The following SNAP29 variants were observed in gnomAD, a reference collection of about 807,000 sequenced individuals.
SNAP29 encodes the protein synaptosomal-associated protein 29.
Under a neutral mutation model 27.9 loss-of-function variants are expected in SNAP29, and 13 were observed. The observed-to-expected ratio is 0.47, with a 90% CI of 0.30 to 0.74. The LOEUF (loss-of-function observed/expected upper bound fraction) is 0.74, where lower values mean the gene tolerates loss of function less well. Among genes scored for constraint, SNAP29 ranks in the 30% least tolerant of loss-of-function variants. SNAP29 has a pLI of 0.06. For synonymous variants in SNAP29, 119 were observed against 127.1 expected (o/e 0.94, Z 0.43); for missense variants, 368 against 336.5 (o/e 1.09, Z -0.73).
intron 1 of SNAP29, among the ~76,000 whole-genome samples, chr22:20,861,605 T>C (rs1410216977): frequency 1.3e-5 from 2 of 152,036 alleles, no homozygotes; most frequent in Non-Finnish European, 2.9e-5. Context: ...ACCTGGCTAA[T>C]TTTTTTGTTT....
rs1929064650 is a variant in SNAP29, at chr22:20,888,135, G to T, written c.*299G>T. 2 of 396,632 alleles carry T rather than the reference G, an allele frequency of 5.0e-6. No individual in the cohort carries two copies. The highest frequency in any genetic ancestry group is 2.1e-5 in the African/African-American group (1 of 48,524). 24.6% of individuals were successfully genotyped at this position (396,632 alleles called of 1,614,324 possible). On this transcript the variant is annotated 3_prime_UTR_variant, in exon 5 of 5. Coordinates refer to ENST00000215730, the MANE Select transcript of SNAP29 (RefSeq NM_004782.4). ...TTACCATGCTGGAATAAGAAGAGTTGCATTTCTCATTTTAATGAGCATATG... is the reference window on the plus strand; with the variant it reads ...TTACCATGCTGGAATAAGAAGAGTTTCATTTCTCATTTTAATGAGCATATG...
chr22:20,859,561 C>T (rs2048025555), intron 1 of SNAP29: 7 of 592,108 alleles, frequency 1.2e-5, no homozygotes, highest in Non-Finnish European at 1.8e-5. Flanking sequence ...AGAAATCTTC[C>T]TTAGCTATTA....
chr22:20,875,795 CAT>C (rs1396090353), intron 2 of SNAP29, among the ~76,000 whole-genome samples: 2 of 151,622 alleles, frequency 1.3e-5, no homozygotes, highest in Admixed American at 6.6e-5. Flanking sequence ...TCTCTACAAA[CAT>C]AAAAAATTTT....
chr22:20,879,812 C>T (rs1313638777), intron 2 of SNAP29, among the ~76,000 whole-genome samples: 2 of 145,614 alleles, frequency 1.4e-5, no homozygotes, highest in Non-Finnish European at 3.0e-5. Flanking sequence ...CACTGCACTC[C>T]AGCCTAGGTG....
intron 1 of SNAP29, among the ~76,000 whole-genome samples, chr22:20,866,251 G>T (rs369113407): frequency 6.6e-6 from 1 of 152,162 alleles, no homozygotes; most frequent in African/African-American, 2.4e-5. Context: ...CCTAAGACCC[G>T]ATTTGTCTCT....
intron 3 of SNAP29, 115 bp downstream of exon 3, chr22:20,881,249 C>T: frequency 5.4e-6 from 4 of 740,872 alleles, no homozygotes; most frequent in Non-Finnish European, 9.7e-6. Flanking sequence ...GCAGGGGCCC[C>T]AGCTGCTGGC....
At chr22:20,876,978 T>C (rs1928762843) in intron 2 of SNAP29, among the ~76,000 whole-genome samples, 1 of 152,206 alleles carries the variant, frequency 6.6e-6, no homozygotes, top group Non-Finnish European at 1.5e-5. Context: ...TCCAAGCTGC[T>C]TGTTCTCATT....
chr22:20,885,399 A>G (rs1928988717), intron 4 of SNAP29, among the ~76,000 whole-genome samples: 1 of 152,112 alleles, frequency 6.6e-6, no homozygotes, highest in Non-Finnish European at 1.5e-5. Context: ...CTGTCTGGGA[A>G]GCCCCAGACA....
Position 20,881,125 on chromosome 22 carries a change from G to C in SNAP29, c.511G>C (p.Asp171His), listed in dbSNP as rs1007677324. ...QASHPNLRKL[D>H]DTDPVPRGAG... ...CAGCCACCCAAACCTTAGAAAGCTG[G>C]ATGATACAGGTAAGTGGATACCTGT... Residue 171 changes from aspartate (D) to histidine (H), a missense_variant, in exon 3 of 5, where the codon GAT (aspartate) becomes CAT (histidine). By Grantham distance (81) the Asp-to-His change is moderately conservative. Coordinates refer to ENST00000215730, the MANE Select transcript of SNAP29 (RefSeq NM_004782.4). The C allele has an allele frequency of 3.1e-6, 5 of 1,607,400 alleles. No individual in the cohort carries two copies. The South Asian group carries it at 5.5e-5, about 18-fold the overall frequency.
At chr22:20,870,763 C>T (rs1267554622) in intron 2 of SNAP29, 2 of 599,004 alleles carry the variant, frequency 3.3e-6, no homozygotes, top group East Asian at 2.9e-5. Flanking sequence ...ATAATTGTGA[C>T]CCCACTACTT....
At chr22:20,874,334 ACACACGAAAATTAGC>A (rs1466895751) in intron 2 of SNAP29, among the ~76,000 whole-genome samples, 1 of 145,816 alleles carries the variant, frequency 6.9e-6, no homozygotes, top group African/African-American at 2.5e-5. Context: ...ACACACACAC[ACACACGAAAATTAGC>A]CACACACACA....
Position 20,888,437 on chromosome 22 carries a change from G to A in SNAP29, c.*601G>A. On this transcript the variant is annotated 3_prime_UTR_variant, in exon 5 of 5. Transcript: ENST00000215730. ...AATGGGAAATAGAGTGTGCCATCTT[G>A]CTCTTTTGTTGGCAGATGTCCCCGC... 6.0e-6 allele frequency: 1 copy of A among 165,416 alleles called. No individual in the cohort carries two copies. The highest frequency in any genetic ancestry group is 1.7e-4 in the East Asian group (1 of 5,748). 10.2% of individuals were successfully genotyped at this position (165,416 alleles called of 1,614,324 possible). A position where few individuals can be genotyped will look rare whatever the true frequency, so the allele number is the denominator to read the frequency against.
At chr22:20,885,766 G>A (rs1356836117) in intron 4 of SNAP29, among the ~76,000 whole-genome samples, 2 of 152,216 alleles carry the variant, frequency 1.3e-5, no homozygotes, top group Non-Finnish European at 2.9e-5. Flanking sequence ...GGGCAGAAGG[G>A]CGAGTGGCTA....
At chr22:20,860,216 G>A (rs1928236031) in intron 1 of SNAP29, among the ~76,000 whole-genome samples, 1 of 149,314 alleles carries the variant, frequency 6.7e-6, no homozygotes, top group Non-Finnish European at 1.5e-5. Flanking sequence ...AAAACTAGCC[G>A]GGTGTGGCGG....
chr22:20,861,118 GTT>G (rs362237), intron 1 of SNAP29, among the ~76,000 whole-genome samples: 3 of 121,806 alleles, frequency 2.5e-5, no homozygotes, highest in Non-Finnish European at 1.7e-5. Context: ...CCTCCCTGTG[GTT>G]TTTTTTTTTT....
chr22:20,881,639 G>A (rs941468879), intron 3 of SNAP29, among the ~76,000 whole-genome samples: 5 of 152,174 alleles, frequency 3.3e-5, no homozygotes, highest in South Asian at 2.1e-4. Flanking sequence ...TCTGGGAGGC[G>A]GAGGTTGCAG....
At chr22:20,870,224 G>A (rs1350643758) in intron 1 of SNAP29, 113 bp from the exon 2 acceptor site, 21 of 880,250 alleles carry the variant, frequency 2.4e-5, no homozygotes, top group African/African-American at 6.6e-5. Flanking sequence ...GACAGTACCC[G>A]TCTCCAGATG....
At chr22:20,887,447 G>A (rs143672554) in intron 4 of SNAP29, among the ~76,000 whole-genome samples, 9 of 151,816 alleles carry the variant, frequency 5.9e-5, no homozygotes, top group South Asian at 2.1e-4. Context: ...TACCCCCAGC[G>A]TGCACAAACA....
chr22:20,874,409 G>A (rs1928688384), intron 2 of SNAP29, among the ~76,000 whole-genome samples: 1 of 148,812 alleles, frequency 6.7e-6, no homozygotes, highest in African/African-American at 2.5e-5. Flanking sequence ...AAATTAGCCG[G>A]ACATGGTGGT....
Sources: allele counts gnomAD v4.1 joint callset (sites outside exome capture counted in the v4.1 genomes callset), GRCh38; gene constraint gnomAD v4.1.1; transcripts MANE v1.5; gene names NCBI Gene and HGNC (gene_info 2026-07-23, HGNC 2026-07-21).